Variants in CAMTA1 observed in about 807,000 individuals in gnomAD.
CAMTA1 encodes calmodulin binding transcription activator 1.
CAMTA1 carries 27 observed loss-of-function variants against 170.9 expected under a neutral mutation model. That is an observed-to-expected ratio of 0.16 (90% CI 0.12 to 0.22). CAMTA1 has a LOEUF of 0.22. Ranked by LOEUF, CAMTA1 falls within the 10% of genes least tolerant of loss-of-function variation. CAMTA1 has a pLI of 1.00. For synonymous variants in CAMTA1, 833 were observed against 891.5 expected (o/e 0.93, Z 1.17); for missense variants, 1,619 against 2,217.2 (o/e 0.73, Z 5.42).
At position 6,786,977 on chromosome 1, in the gene CAMTA1, T is replaced by C. The variant is rs144564970; in HGVS notation, c.45+1402T>C. Among the ~76,000 whole-genome samples the C allele has an allele frequency of 5.6e-3, 850 of 152,288 alleles. 9 individuals are homozygous for C. The highest frequency in any genetic ancestry group is 0.019 in the African/African-American group (797 of 41,556). On this transcript the variant is annotated intron_variant, in intron 1 of 22. Coordinates refer to ENST00000303635, the MANE Select transcript of CAMTA1 (RefSeq NM_015215.4). ...CACTACCTCACTGGGAAAAGGGTCATGTGGCCTTGTTTTTTGATGTTTTGA... is the reference window on the plus strand; with the variant it reads ...CACTACCTCACTGGGAAAAGGGTCACGTGGCCTTGTTTTTTGATGTTTTGA...
chr1:6,893,779 G>A (rs1052119065), intron 3 of CAMTA1, among the ~76,000 whole-genome samples: 15 of 152,274 alleles, frequency 9.9e-5, no homozygotes, highest in African/African-American at 3.4e-4. Context: ...AGGCTGCGAG[G>A]GAAGGGGGTT....
chr1:6,936,048 C>G (rs999732835), intron 3 of CAMTA1, among the ~76,000 whole-genome samples: 9 of 152,180 alleles, frequency 5.9e-5, no homozygotes, highest in Non-Finnish European at 1.0e-4. Flanking sequence ...CAGAGAATTG[C>G]CTTCCTCTTT....
chr1:7,695,067 G>A (rs537722283), intron 11 of CAMTA1, among the ~76,000 whole-genome samples: 1 of 152,314 alleles, frequency 6.6e-6, no homozygotes, highest in South Asian at 2.1e-4. Flanking sequence ...ACATCAGAAG[G>A]TCTGGTCTGG....
Position 7,752,495 on chromosome 1 carries a change from T to C in CAMTA1, c.4920T>C (p.Ala1640=). The C allele has an allele frequency of 6.2e-7, 1 of 1,612,778 alleles. No homozygotes were observed. The highest frequency in any genetic ancestry group is 1.1e-5 in the South Asian group (1 of 90,928). The change falls in exon 21 of 23, where the codon GCT becomes GCC. Residue 1640 remains alanine, a synonymous_variant. Coordinates refer to ENST00000303635, the MANE Select transcript of CAMTA1 (RefSeq NM_015215.4). ...SLLTKKQDQA[A]RKIMRFLRRC... The stretch of plus-strand genomic sequence containing the variant: ...TAACCAAAAAGCAGGATCAAGCTGC[T>C]CGAAAAATAATGAGGTTTCTTCGCC...
At chr1:7,484,445 C>T (rs984828886) in intron 6 of CAMTA1, among the ~76,000 whole-genome samples, 3 of 152,218 alleles carry the variant, frequency 2.0e-5, no homozygotes, top group Admixed American at 6.5e-5. Context: ...TTTCCTCATC[C>T]GCAGAATTTT....
chr1:7,562,518 G>A lies in CAMTA1; in HGVS notation c.511-77882G>A, dbSNP rs1353306366. ...CCACTCCCGCCCGCCTGCGACACCT[G>A]TCCTGCTGCTCCCCTTGACAGCTAC... On this transcript the variant is annotated intron_variant, in intron 6 of 22. Coordinates refer to ENST00000303635, the MANE Select transcript of CAMTA1 (RefSeq NM_015215.4). The surrounding 1 kb of genome is among the most constrained non-coding windows in gnomAD (Gnocchi z 4.8). 6.6e-6 allele frequency among the ~76,000 whole-genome samples: 1 copy of A among 152,148 alleles called. No individual in the cohort carries two copies. The highest frequency in any genetic ancestry group is 1.5e-5 in the Non-Finnish European group (1 of 68,024).
chr1:7,743,627 G>A (rs1189671357), intron 16 of CAMTA1, among the ~76,000 whole-genome samples: 4 of 152,038 alleles, frequency 2.6e-5, no homozygotes, highest in East Asian at 3.9e-4. Context: ...AGGCTCCTTC[G>A]TGTTGGCAGG....
At position 7,738,056 on chromosome 1, in the gene CAMTA1, C is replaced by T. The variant is rs1280661636; in HGVS notation, c.3756C>T (p.Tyr1252=). The T allele has an allele frequency of 1.9e-6, 3 of 1,614,170 alleles. No homozygotes were observed. Among genetic ancestry groups the T allele is most frequent in the Middle Eastern group, 1.6e-4 (1 of 6,062 alleles). The stretch of plus-strand genomic sequence containing the variant: ...AAAAGCATAAATTGAACCCTGAGTA[C>T]TTCCAGACAAGGCAGGAGAAGCTGC... ...APKKHKLNPE[Y]FQTRQEKLLP... The change falls in exon 16 of 23, where the codon TAC becomes TAT. Residue 1252 remains tyrosine (Y), a synonymous_variant. Transcript: ENST00000303635. This position sits in a 1 kb window ranked among gnomAD's most constrained non-coding sequence, Gnocchi z 4.9.
intron 10 of CAMTA1, among the ~76,000 whole-genome samples, chr1:7,675,216 G>A (rs1295170364): frequency 6.6e-6 from 1 of 152,178 alleles, no homozygotes; most frequent in Non-Finnish European, 1.5e-5. Context: ...TTGGCAACGT[G>A]GAGAATCTAA....
At chr1:7,349,050 G>T (rs1338766533) in intron 5 of CAMTA1, among the ~76,000 whole-genome samples, 1 of 152,154 alleles carries the variant, frequency 6.6e-6, no homozygotes, top group East Asian at 1.9e-4. Context: ...GTCTGTAAGA[G>T]ATTCCATCCC....
At chr1:7,397,531 TTGCTATC>T (rs1190460453) in intron 5 of CAMTA1, among the ~76,000 whole-genome samples, 1 of 152,110 alleles carries the variant, frequency 6.6e-6, no homozygotes, top group Non-Finnish European at 1.5e-5. Flanking sequence ...CTATTTTTTA[TTGCTATC>T]TACTAATTCT....
At position 7,331,009 on chromosome 1, in the gene CAMTA1, G is replaced by A. The variant is rs549821770; in HGVS notation, c.438+81383G>A. 8.5e-5 allele frequency among the ~76,000 whole-genome samples: 13 copies of A among 152,302 alleles called. No individual in the cohort carries two copies. The East Asian group carries it at 2.5e-3, about 29-fold the overall frequency. Reference sequence around the variant, plus strand: ...GTAATCAGCACTTTGGGAGGCCGAGGCGGGTGGATCACCTGAGGTCAGGAG... The same window carrying A: ...GTAATCAGCACTTTGGGAGGCCGAGACGGGTGGATCACCTGAGGTCAGGAG... On this transcript the variant is annotated intron_variant, in intron 5 of 22. Coordinates refer to ENST00000303635, the MANE Select transcript of CAMTA1 (RefSeq NM_015215.4).
chr1:7,198,099 A>C (rs1655905159), intron 4 of CAMTA1, among the ~76,000 whole-genome samples: 1 of 152,098 alleles, frequency 6.6e-6, no homozygotes, highest in African/African-American at 2.4e-5. Context: ...CCCCTGCTAG[A>C]ACTTACTGAT....
At chr1:7,568,557 A>T (rs923233008) in intron 6 of CAMTA1, among the ~76,000 whole-genome samples, 1 of 150,654 alleles carries the variant, frequency 6.6e-6, no homozygotes, top group Admixed American at 6.6e-5. Context: ...TCACCACATC[A>T]CCATCACCAC....
chr1:7,617,345 G>C (rs929582437), intron 6 of CAMTA1, among the ~76,000 whole-genome samples: 3 of 152,224 alleles, frequency 2.0e-5, no homozygotes, highest in Non-Finnish European at 2.9e-5. Flanking sequence ...AGAACCAGCT[G>C]AGACCGGAGG....
intron 3 of CAMTA1, among the ~76,000 whole-genome samples, chr1:6,985,402 T>C (rs550456592): frequency 5.3e-5 from 8 of 152,150 alleles, no homozygotes; most frequent in Non-Finnish European, 1.2e-4. Flanking sequence ...AGAATAGAAA[T>C]TTTCTCCACG....
intron 5 of CAMTA1, among the ~76,000 whole-genome samples, chr1:7,365,946 C>T (rs1201197655): frequency 1.3e-5 from 2 of 152,196 alleles, no homozygotes; most frequent in African/African-American, 4.8e-5. Flanking sequence ...TCTGAATCCC[C>T]AACCTGGGGG....
intron 6 of CAMTA1, among the ~76,000 whole-genome samples, chr1:7,481,698 G>A (rs1007074806): frequency 6.6e-6 from 1 of 151,822 alleles, no homozygotes; most frequent in Admixed American, 6.6e-5. Flanking sequence ...CACCTATCCA[G>A]CAATTTTTCG....
At chr1:7,583,477 G>C (rs979792000) in intron 6 of CAMTA1, among the ~76,000 whole-genome samples, 5 of 152,134 alleles carry the variant, frequency 3.3e-5, no homozygotes, top group African/African-American at 1.2e-4. Context: ...TGCTGGGGCT[G>C]TCCTCTGGTG....
Sources: allele counts gnomAD v4.1 joint callset (sites outside exome capture counted in the v4.1 genomes callset), GRCh38; gene constraint gnomAD v4.1.1; non-coding constraint Gnocchi (gnomAD v3.1); transcripts MANE v1.5; gene names NCBI Gene and HGNC (gene_info 2026-07-23, HGNC 2026-07-21).